LSM14A: variants seen among roughly 807,000 people sequenced by gnomAD.
LSM14A encodes the protein protein LSM14 homolog A.
A neutral mutation model predicts 52.4 loss-of-function variants in LSM14A; 14 were observed. The ratio of observed to expected loss-of-function variants is 0.27; its 90% confidence interval spans 0.18 to 0.42. LSM14A has a LOEUF of 0.42. Among genes scored for constraint, LSM14A ranks in the 10% least tolerant of loss-of-function variants. The probability of loss-of-function intolerance (pLI) is 1.00; values close to 1 mark genes in which losing one functional copy is unlikely to be tolerated. For missense variants in LSM14A, 417 were observed against 581.8 expected (o/e 0.72, Z 2.91); for synonymous variants, 185 against 200.3 (o/e 0.92, Z 0.64).
chr19:34,178,174 A>C (rs1019912432), intron 1 of LSM14A, among the ~76,000 whole-genome samples: 50 of 136,554 alleles, frequency 3.7e-4, no homozygotes, highest in African/African-American at 1.3e-3. Flanking sequence ...AAAAAAAAAA[A>C]CACAAAATAA....
intron 3 of LSM14A, chr19:34,208,171 T>C (rs1343590847): frequency 6.6e-6 from 1 of 152,208 alleles, no homozygotes; most frequent in Non-Finnish European, 1.5e-5. Flanking sequence ...GTTATTACAT[T>C]TATATTTTGT....
chr19:34,178,766 T>G (rs776301375), intron 1 of LSM14A, among the ~76,000 whole-genome samples: 13 of 152,246 alleles, frequency 8.5e-5, no homozygotes, highest in Non-Finnish European at 1.6e-4. Context: ...AAAATTAAAT[T>G]ATCCTGCCTC....
At chr19:34,186,799 C>T (rs897083199) in intron 1 of LSM14A, among the ~76,000 whole-genome samples, 2 of 152,074 alleles carry the variant, frequency 1.3e-5, no homozygotes, top group Non-Finnish European at 2.9e-5. Context: ...TTCATTTGAA[C>T]CTGGTTTTAG....
chr19:34,227,507 G>C lies in LSM14A; in HGVS notation c.*119G>C. On this transcript the variant is annotated 3_prime_UTR_variant, in exon 10 of 10. Coordinates refer to ENST00000544216, the MANE Select transcript of LSM14A (RefSeq NM_015578.4). The stretch of plus-strand genomic sequence containing the variant: ...CGCTGTACATTTGTCACCAGCACTG[G>C]GTTTTTGTTTTTTGTTTGTTTTTCC... 1.3e-6 allele frequency: 1 copy of C among 772,278 alleles called. No homozygotes were observed. The highest frequency in any genetic ancestry group is 2.9e-5 in the East Asian group (1 of 34,414). The allele number at this position is 772,278 out of a possible 1,614,324, so 47.8% of individuals were successfully genotyped here. A position where few individuals can be genotyped will look rare whatever the true frequency, so the allele number is the denominator to read the frequency against.
At chr19:34,194,369 G>T in intron 1 of LSM14A, 109 bp from the exon 2 acceptor site, 2 of 1,016,232 alleles carry the variant, frequency 2.0e-6, no homozygotes, top group Non-Finnish European at 1.5e-6. Context: ...TACTTTCTCA[G>T]ACATTTCAGA....
intron 3 of LSM14A, among the ~76,000 whole-genome samples, chr19:34,206,493 C>T (rs1414610495): frequency 2.0e-5 from 3 of 151,620 alleles, no homozygotes; most frequent in Admixed American, 1.3e-4. Flanking sequence ...ATGGTGAAAC[C>T]CTGTCTCTAC....
chr19:34,192,319 G>GTTGTTTTTTTTTTTTTTTTTTTTT (rs60512063), intron 1 of LSM14A, among the ~76,000 whole-genome samples: 2 of 53,410 alleles, frequency 3.7e-5, no homozygotes, highest in African/African-American at 1.6e-4. Flanking sequence ...TCTTTTTGTT[G>GTTGTTTTTTTTTTTTTTTTTTTTT]TTTTTTTTTT....
intron 8 of LSM14A, 70 bp from the exon 9 acceptor site, chr19:34,221,437 C>T: frequency 6.7e-7 from 1 of 1,482,620 alleles, no homozygotes; most frequent in Non-Finnish European, 9.2e-7. Flanking sequence ...TTGGGAGTAG[C>T]ACTGCATATT....
chr19:34,214,325 T>TTTATTTAC (rs1568495182), intron 4 of LSM14A, among the ~76,000 whole-genome samples: 3 of 151,622 alleles, frequency 2.0e-5, no homozygotes, highest in African/African-American at 7.3e-5. Flanking sequence ...TATTTATTTA[T>TTTATTTAC]TTATGAGACA....
At position 34,215,134 on chromosome 19, in the gene LSM14A, C is replaced by T. The variant is rs750523150; in HGVS notation, c.549C>T (p.Ser183=). Residue 183 remains serine (S), a synonymous_variant, in exon 5 of 10, where the codon AGC becomes AGT. Transcript: ENST00000544216. ...LKTQLSQGRS[S]PQLDPLRKSP... is the part of the protein sequence containing the mutation. Reference sequence around the variant, plus strand: ...TTGGTTACATTTTAGGTCGCTCAAGCCCTCAGTTAGACCCTTTGAGAAAAA... The same window carrying T: ...TTGGTTACATTTTAGGTCGCTCAAGTCCTCAGTTAGACCCTTTGAGAAAAA... 6.2e-7 allele frequency: 1 copy of T among 1,609,048 alleles called. No individual in the cohort carries two copies.
intron 1 of LSM14A, among the ~76,000 whole-genome samples, chr19:34,176,368 T>A (rs1264052414): frequency 6.6e-6 from 1 of 152,134 alleles, no homozygotes; most frequent in Non-Finnish European, 1.5e-5. Context: ...AAATGAAATA[T>A]TTTTAAACAA....
At chr19:34,209,644 G>T (rs1430249795) in intron 4 of LSM14A, among the ~76,000 whole-genome samples, 1 of 151,964 alleles carries the variant, frequency 6.6e-6, no homozygotes, top group Admixed American at 6.6e-5. Flanking sequence ...AATTTTAAAT[G>T]GTTATCCATA....
intron 3 of LSM14A, among the ~76,000 whole-genome samples, chr19:34,201,159 T>G (rs1413551406): frequency 1.3e-5 from 2 of 152,202 alleles, no homozygotes; most frequent in Non-Finnish European, 2.9e-5. Context: ...TACTGGCATT[T>G]TCCATGTCAG....
intron 9 of LSM14A, among the ~76,000 whole-genome samples, chr19:34,225,899 A>T (rs940706716): frequency 2.0e-5 from 3 of 152,014 alleles, no homozygotes; most frequent in African/African-American, 7.2e-5. Flanking sequence ...CTATCTCTAT[A>T]AAAAAGTTTA....
intron 8 of LSM14A, among the ~76,000 whole-genome samples, chr19:34,220,435 G>C (rs612469): frequency 0.51 from 77,713 of 151,930 alleles, 20,580 homozygotes; most frequent in Middle Eastern, 0.58. Flanking sequence ...TTTCACCCCT[G>C]TATGTTACAG....
chr19:34,220,517 A>G (rs991949465), intron 8 of LSM14A, among the ~76,000 whole-genome samples: 5 of 152,196 alleles, frequency 3.3e-5, no homozygotes, highest in African/African-American at 1.2e-4. Flanking sequence ...GCCAGATTGT[A>G]GTAAATGTGG....
intron 1 of LSM14A, among the ~76,000 whole-genome samples, chr19:34,193,786 T>G (rs1304059805): frequency 6.6e-6 from 1 of 152,156 alleles, no homozygotes; most frequent in East Asian, 1.9e-4. Context: ...TTTGAGATTT[T>G]GTAGACTGGA....
chr19:34,199,006 C>A (rs1011656979), intron 3 of LSM14A, among the ~76,000 whole-genome samples: 1 of 151,870 alleles, frequency 6.6e-6, no homozygotes, highest in Non-Finnish European at 1.5e-5. Context: ...ACAAAAAAAA[C>A]CACACAGAGG....
chr19:34,220,199 G>T (rs2072957285), intron 8 of LSM14A, among the ~76,000 whole-genome samples: 1 of 151,950 alleles, frequency 6.6e-6, no homozygotes, highest in South Asian at 2.1e-4. Context: ...TGAACTCCTG[G>T]CCTCAAGATC....
Sources: gnomAD v4.1 joint callset for allele counts (sites outside exome capture counted in the v4.1 genomes callset) on GRCh38, gnomAD v4.1.1 for gene constraint, MANE v1.5 for transcripts, NCBI Gene and HGNC (gene_info 2026-07-23, HGNC 2026-07-21) for gene names.